Variants in FOCAD observed in about 807,000 individuals in gnomAD.
FOCAD encodes focadhesin.
FOCAD carries 198 observed loss-of-function variants against 225.6 expected under a neutral mutation model. The observed-to-expected ratio is 0.88, with a 90% confidence interval of 0.78 to 0.99. FOCAD has a LOEUF of 0.99. Ranked by LOEUF, FOCAD falls within the 50% of genes least tolerant of loss-of-function variation. FOCAD has a pLI of 0.00. For synonymous variants in FOCAD, 897 were observed against 755.0 expected, an observed-to-expected ratio of 1.19 and a Z score of -3.08; for missense variants, 2,713 against 2,123.6, an observed-to-expected ratio of 1.28 and a Z score of -5.46.
intron 4 of FOCAD, among the ~76,000 whole-genome samples, chr9:20,730,126 G>A (rs1452098362): frequency 6.6e-6 from 1 of 152,100 alleles, no homozygotes; most frequent in African/African-American, 2.4e-5. Flanking sequence ...TGGGAGTTTG[G>A]GGGAGACTTT....
intron 15 of FOCAD, among the ~76,000 whole-genome samples, chr9:20,858,355 T>A (rs1828419457): frequency 6.6e-6 from 1 of 152,174 alleles, no homozygotes; most frequent in South Asian, 2.1e-4. Flanking sequence ...CTGTTTCTTC[T>A]GGGTTTTCCA....
chr9:20,702,438 T>A (rs1327780234), intron 1 of FOCAD, among the ~76,000 whole-genome samples: 1 of 152,164 alleles, frequency 6.6e-6, no homozygotes, highest in Admixed American at 6.6e-5. Flanking sequence ...AAGTCAACTG[T>A]ATCTATACTT....
chr9:20,743,792 G>A (rs1251013748), intron 5 of FOCAD, among the ~76,000 whole-genome samples: 3 of 152,206 alleles, frequency 2.0e-5, no homozygotes. Flanking sequence ...GATTACACAT[G>A]AGAACTATTG....
intron 16 of FOCAD, chr9:20,863,081 A>G (rs915753677): frequency 2.5e-5 from 4 of 157,534 alleles, no homozygotes; most frequent in African/African-American, 9.6e-5. Flanking sequence ...AGACTCTCCA[A>G]ACTTTGTGAA....
chr9:20,948,981 G>A (rs370961613), intron 32 of FOCAD, 53 bp downstream of exon 32: 14 of 1,524,506 alleles, frequency 9.2e-6, no homozygotes, highest in South Asian at 2.2e-5. Flanking sequence ...CATAGCCATA[G>A]CGGGAGAAGA....
At chr9:20,817,946 T>G (rs1823905327) in intron 11 of FOCAD, among the ~76,000 whole-genome samples, 1 of 152,182 alleles carries the variant, frequency 6.6e-6, no homozygotes. Flanking sequence ...TGTTTACCTA[T>G]TTAAGAAATT....
chr9:20,698,493 T>C (rs904920498), intron 1 of FOCAD, among the ~76,000 whole-genome samples: 5 of 152,110 alleles, frequency 3.3e-5, no homozygotes. Context: ...CTCGACCTCC[T>C]GGGCTCAAAC....
At chr9:20,962,015 G>C (rs550268273) in intron 35 of FOCAD, among the ~76,000 whole-genome samples, 2 of 152,198 alleles carry the variant, frequency 1.3e-5, no homozygotes, top group African/African-American at 4.8e-5. Flanking sequence ...GCATCTCCTA[G>C]TTCCCACTAA....
At chr9:20,932,523 C>G (rs952369625) in intron 27 of FOCAD, among the ~76,000 whole-genome samples, 1 of 151,982 alleles carries the variant, frequency 6.6e-6, no homozygotes, top group African/African-American at 2.4e-5. Context: ...CTAGGATTTT[C>G]TCCCCTTAAA....
rs377115971 is a variant in FOCAD at position 20,933,571 on chromosome 9, A to ATGTGTG, written c.3407+480_3407+485dup. ...GAGTAGTATTCCATCGTGTGTGTGT[A>ATGTGTG]TGTGTGTGTGTGTGTGTATCACAGT... is the stretch of plus-strand genomic sequence containing the variant. On this transcript the variant is annotated intron_variant, in intron 28 of 43. Transcript: ENST00000338382. 3.3e-5 allele frequency among the ~76,000 whole-genome samples: 5 copies of ATGTGTG among 150,846 alleles called. No individual in the cohort carries two copies. In the East Asian group the frequency reaches 7.8e-4, roughly 23 times the overall value.
At chr9:20,884,421 C>T (rs549480850) in intron 20 of FOCAD, among the ~76,000 whole-genome samples, 15 of 152,064 alleles carry the variant, frequency 9.9e-5, no homozygotes, top group African/African-American at 3.4e-4. Flanking sequence ...TTCAGCCTCC[C>T]GAGTAGCTGG....
In FOCAD at chr9:20,781,849, G is replaced by C; in HGVS notation, c.1117G>C (p.Glu373Gln). The change falls in exon 10 of 44, where the codon GAA becomes CAA. Residue 373 changes from glutamate (E) to glutamine (Q), a missense_variant. Coordinates refer to ENST00000338382, the MANE Select transcript of FOCAD (RefSeq NM_001375567.1). ...ALEDCISVDEEGPSRQQLALN... is the reference protein window; with the variant it reads ...ALEDCISVDEQGPSRQQLALN... ...GGAAGACTGTATATCTGTGGATGAA[G>C]AAGGTCCCTCTAGGCAGCAGTTGGC... The C allele has an allele frequency of 6.2e-7, 1 of 1,614,106 alleles. No homozygotes were observed. Among genetic ancestry groups the C allele is most frequent in the Non-Finnish European group, 8.5e-7 (1 of 1,179,980 alleles).
At position 20,809,197 on chromosome 9, in the gene FOCAD, C is replaced by A. The variant is rs547087979; in HGVS notation, c.1456-10599C>A. On this transcript the variant is annotated intron_variant, in intron 11 of 43. Coordinates refer to ENST00000338382, the MANE Select transcript of FOCAD (RefSeq NM_001375567.1). ...CCTATTGATAGACATTTAAGTTTTC[C>A]AAGGTTTTGTTGTTGTTGCATGCAT... Among the ~76,000 whole-genome samples, 4 of 152,124 alleles carry A rather than the reference C, an allele frequency of 2.6e-5. No homozygotes were observed. The South Asian group carries it at 6.2e-4, about 24-fold the overall frequency.
chr9:20,867,120 G>C, intron 18 of FOCAD, 108 bp downstream of exon 18: 2 of 647,966 alleles, frequency 3.1e-6, no homozygotes, highest in Non-Finnish European at 5.2e-6. Flanking sequence ...CATAACCCTA[G>C]ATCTGTTGTC....
intron 35 of FOCAD, among the ~76,000 whole-genome samples, chr9:20,956,986 G>T (rs957322943): frequency 1.3e-5 from 2 of 152,092 alleles, no homozygotes; most frequent in Non-Finnish European, 2.9e-5. Context: ...GAGCCACCGT[G>T]CCTGGCCTGT....
chr9:20,691,464 T>TATTA (rs994656302), intron 1 of FOCAD, among the ~76,000 whole-genome samples: 28 of 151,750 alleles, frequency 1.8e-4, no homozygotes, highest in African/African-American at 6.8e-4. Context: ...TATTATTATT[T>TATTA]ATTAATTAAT....
At chr9:20,758,847 T>C (rs1829306875) in intron 6 of FOCAD, among the ~76,000 whole-genome samples, 1 of 152,202 alleles carries the variant, frequency 6.6e-6, no homozygotes, top group Non-Finnish European at 1.5e-5. Flanking sequence ...GCAGATGACA[T>C]GATTGTATAT....
At chr9:20,684,787 A>G (rs1822560504) in intron 1 of FOCAD, 1 of 152,342 alleles carries the variant, frequency 6.6e-6, no homozygotes, top group Non-Finnish European at 1.5e-5. Context: ...CACTCAGATC[A>G]TGTCCACTTA....
intron 15 of FOCAD, among the ~76,000 whole-genome samples, chr9:20,836,784 A>G (rs548984732): frequency 3.2e-4 from 48 of 152,060 alleles, no homozygotes; most frequent in Non-Finnish European, 6.6e-4. Flanking sequence ...TTAATAGAAT[A>G]CCATTCAGTA....
Sources: allele counts gnomAD v4.1 joint callset (sites outside exome capture counted in the v4.1 genomes callset), GRCh38; gene constraint gnomAD v4.1.1; transcripts MANE v1.5; gene names NCBI Gene and HGNC (gene_info 2026-07-23, HGNC 2026-07-21).